Variants in NCAM1 observed in about 807,000 individuals in gnomAD.
NCAM1 encodes the protein antigen recognized by monoclonal antibody 5.1H11.
A neutral mutation model predicts 109.8 loss-of-function variants in NCAM1; 14 were observed. The observed-to-expected ratio is 0.13, with a 90% confidence interval of 0.08 to 0.20. NCAM1 has a LOEUF of 0.20. NCAM1 is among the 10% of genes least tolerant of loss of function. The probability of loss-of-function intolerance (pLI) is 1.00; values close to 1 mark genes in which losing one functional copy is unlikely to be tolerated. For missense variants in NCAM1, 774 were observed against 1,109.9 expected, an observed-to-expected ratio of 0.70 and a Z score of 4.30; for synonymous variants, 418 against 442.9, an observed-to-expected ratio of 0.94 and a Z score of 0.70.
intron 17 of NCAM1, chr11:113,260,524 C>G: frequency 1.8e-6 from 1 of 556,994 alleles, no homozygotes; most frequent in East Asian, 3.3e-5. Flanking sequence ...AAGGCTTGGC[C>G]AAGCATCCTG....
At chr11:113,158,848 C>T (rs1464089169) in intron 1 of NCAM1, among the ~76,000 whole-genome samples, 1 of 152,118 alleles carries the variant, frequency 6.6e-6, no homozygotes, top group African/African-American at 2.4e-5. Context: ...TATTTTTGCT[C>T]AATTGAATTA....
intron 1 of NCAM1, among the ~76,000 whole-genome samples, chr11:113,050,009 G>A (rs1400542075): frequency 6.6e-6 from 1 of 151,954 alleles, no homozygotes; most frequent in Non-Finnish European, 1.5e-5. Flanking sequence ...GAGAAAGTCT[G>A]AAACAGACAT....
intron 1 of NCAM1, among the ~76,000 whole-genome samples, chr11:113,138,931 T>C (rs1941711285): frequency 6.6e-6 from 1 of 152,210 alleles, no homozygotes; most frequent in Admixed American, 6.5e-5. Flanking sequence ...TCATCACAGA[T>C]GGCCCTCCAG....
Position 113,271,815 on chromosome 11 carries a change from C to G in NCAM1, c.2395C>G (p.Pro799Ala). 1.3e-6 allele frequency: 2 copies of G among 1,572,552 alleles called. No individual in the cohort carries two copies. Among genetic ancestry groups the G allele is most frequent in the Non-Finnish European group, 1.7e-6 (2 of 1,159,262 alleles). ...VEVRTEEERT[P>A]NHDGGKHTEP... ...GGTTCGAACGGAGGAGGAGAGGACC[C>G]CAAACCATGATGGAGGGAAACACAC... is the stretch of plus-strand genomic sequence containing the variant. The change falls in exon 19 of 20, where the codon CCA becomes GCA. Residue 799 changes from proline to alanine, a missense_variant. This residue lies in a region of NCAM1 where 122 missense variants were observed against 129.7 expected (regional missense o/e 0.94). Transcript: ENST00000316851.
intron 5 of NCAM1, among the ~76,000 whole-genome samples, chr11:113,206,508 C>T (rs575833426): frequency 4.6e-5 from 7 of 152,118 alleles, no homozygotes; most frequent in African/African-American, 9.6e-5. Context: ...GAAGTTATTC[C>T]GCTGCTTAAA....
intron 1 of NCAM1, among the ~76,000 whole-genome samples, chr11:113,146,802 G>T (rs148976328): frequency 2.6e-5 from 4 of 152,122 alleles, no homozygotes; most frequent in African/African-American, 9.6e-5. Context: ...ACCTTAGCAG[G>T]TCGGTTTGCC....
intron 1 of NCAM1, among the ~76,000 whole-genome samples, chr11:113,027,538 C>T (rs954933144): frequency 6.6e-6 from 1 of 152,170 alleles, no homozygotes; most frequent in South Asian, 2.1e-4. Context: ...AATCACTGTT[C>T]TGCCTTCAGC....
At chr11:113,214,594 G>A in intron 8 of NCAM1, 83 bp downstream of exon 8, 1 of 1,450,234 alleles carries the variant, frequency 6.9e-7, no homozygotes, top group African/African-American at 1.4e-5. Flanking sequence ...TTCTCTTTGG[G>A]GAGCTGGGAG....
chr11:113,050,731 AT>A (rs1953455597), intron 1 of NCAM1, among the ~76,000 whole-genome samples: 1 of 152,186 alleles, frequency 6.6e-6, no homozygotes, highest in Non-Finnish European at 1.5e-5. Context: ...CTAGTGCAGG[AT>A]TTTTTAAACT....
intron 17 of NCAM1, chr11:113,269,937 C>T (rs1353110702): frequency 2.0e-5 from 11 of 552,708 alleles, no homozygotes; most frequent in African/African-American, 3.8e-5. Context: ...TCACGGGAGG[C>T]CAGCTGACCA....
At chr11:113,049,087 T>C (rs1953372140) in intron 1 of NCAM1, among the ~76,000 whole-genome samples, 1 of 152,184 alleles carries the variant, frequency 6.6e-6, no homozygotes, top group Non-Finnish European at 1.5e-5. Flanking sequence ...TTCTGTGATC[T>C]GGGTGTGACA....
chr11:113,257,081 A>G (rs1246802346), intron 16 of NCAM1, among the ~76,000 whole-genome samples: 7 of 152,198 alleles, frequency 4.6e-5, no homozygotes, highest in African/African-American at 1.4e-4. Flanking sequence ...ATTTGTAAGC[A>G]GATGTGAGCT....
At chr11:113,202,572 GCTCTATTACAGGGTCA>G (rs1315841268) in intron 2 of NCAM1, 119 bp downstream of exon 2, 42 of 861,658 alleles carry the variant, frequency 4.9e-5, no homozygotes, top group Non-Finnish European at 5.6e-5. Context: ...TCTTGGCATT[GCTCTATTACAGGGTCA>G]ATAGTATGGC....
chr11:113,130,351 T>G (rs1285621311), intron 1 of NCAM1, among the ~76,000 whole-genome samples: 1 of 152,250 alleles, frequency 6.6e-6, no homozygotes, highest in Non-Finnish European at 1.5e-5. Context: ...TGCAAGACAC[T>G]GGGGCACAAC....
chr11:112,994,959 C>T (rs1470863256), intron 1 of NCAM1, among the ~76,000 whole-genome samples: 6 of 152,084 alleles, frequency 3.9e-5, no homozygotes, highest in Admixed American at 1.3e-4. Context: ...CTCATGTGCT[C>T]TGTCACCCCA....
chr11:113,011,277 AC>A (rs1287735013), intron 1 of NCAM1, among the ~76,000 whole-genome samples: 1 of 146,992 alleles, frequency 6.8e-6, no homozygotes, highest in Non-Finnish European at 1.5e-5. Context: ...CCATGTCCCT[AC>A]AAAGGACATG....
At chr11:113,023,032 C>G in intron 1 of NCAM1, among the ~76,000 whole-genome samples, 1 of 152,196 alleles carries the variant, frequency 6.6e-6, no homozygotes, top group Non-Finnish European at 1.5e-5. Flanking sequence ...AGCTGAGTAG[C>G]AGTATACCTC....
intron 1 of NCAM1, among the ~76,000 whole-genome samples, chr11:113,081,365 G>A (rs940425137): frequency 5.3e-5 from 8 of 152,058 alleles, no homozygotes; most frequent in Non-Finnish European, 1.0e-4. Flanking sequence ...GGTGCTTGCC[G>A]GTCCTGGAGT....
intron 1 of NCAM1, among the ~76,000 whole-genome samples, chr11:112,995,270 C>T (rs527542698): frequency 1.3e-5 from 2 of 152,220 alleles, no homozygotes; most frequent in East Asian, 1.9e-4. Flanking sequence ...ACACATCCAC[C>T]TTACTTTGTA....
Sources: allele counts gnomAD v4.1 joint callset (sites outside exome capture counted in the v4.1 genomes callset), GRCh38; gene constraint gnomAD v4.1.1; regional missense constraint gnomAD v4.1.1; transcripts MANE v1.5; gene names NCBI Gene and HGNC (gene_info 2026-07-23, HGNC 2026-07-21).